The following FYN variants were observed in gnomAD, a reference collection of about 807,000 sequenced individuals.
FYN encodes FYN proto-oncogene, Src family tyrosine kinase, also known as tyrosine-protein kinase Fyn.
A neutral mutation model predicts 70.2 loss-of-function variants in FYN; 10 were observed. The observed-to-expected ratio is 0.14, with a 90% confidence interval of 0.09 to 0.24. The LOEUF (loss-of-function observed/expected upper bound fraction) is 0.24. Among genes scored for constraint, FYN ranks in the 10% least tolerant of loss-of-function variants. The probability of loss-of-function intolerance (pLI) is 1.00; values close to 1 mark genes in which losing one functional copy is unlikely to be tolerated. For synonymous variants in FYN, 236 were observed against 248.6 expected (o/e 0.95, Z 0.48); for missense variants, 319 against 673.1 (o/e 0.47, Z 5.82).
At chr6:111,852,555 T>G (rs569335373) in intron 1 of FYN, among the ~76,000 whole-genome samples, 22 of 152,238 alleles carry the variant, frequency 1.4e-4, no homozygotes, top group African/African-American at 5.1e-4. Flanking sequence ...AACTTACAAA[T>G]GTTTATATGT....
At chr6:111,787,650 A>G (rs1405497230) in intron 2 of FYN, among the ~76,000 whole-genome samples, 1 of 152,238 alleles carries the variant, frequency 6.6e-6, no homozygotes, top group Non-Finnish European at 1.5e-5. Flanking sequence ...TGAGTGACTG[A>G]CTGAATAAAT....
chr6:111,697,207 T>C (rs1225003366), intron 9 of FYN, among the ~76,000 whole-genome samples: 6 of 152,240 alleles, frequency 3.9e-5, no homozygotes, highest in Non-Finnish European at 8.8e-5. Context: ...AGGCAAGGCC[T>C]GGATTATGAT....
chr6:111,871,998 CAAG>C (rs1774287225), intron 1 of FYN, among the ~76,000 whole-genome samples: 1 of 152,194 alleles, frequency 6.6e-6, no homozygotes, highest in Non-Finnish European at 1.5e-5. Context: ...GGAAGAGAGA[CAAG>C]AAGCATCGTG....
intron 3 of FYN, among the ~76,000 whole-genome samples, chr6:111,765,244 G>A (rs1803184253): frequency 6.6e-6 from 1 of 152,126 alleles, no homozygotes; most frequent in African/African-American, 2.4e-5. Context: ...TGCATGTGTT[G>A]AAGCCCTAAC....
intron 13 of FYN, among the ~76,000 whole-genome samples, chr6:111,673,665 G>A (rs538654264): frequency 1.8e-5 from 2 of 113,002 alleles, no homozygotes; most frequent in Admixed American, 2.4e-4. Context: ...TCTTACGCAG[G>A]GAATGAGGGG....
chr6:111,772,577 T>C (rs751649741), intron 3 of FYN, among the ~76,000 whole-genome samples: 2 of 152,214 alleles, frequency 1.3e-5, no homozygotes, highest in Non-Finnish European at 2.9e-5. Context: ...TGATGTGATA[T>C]AATATCAGGT....
intron 4 of FYN, among the ~76,000 whole-genome samples, chr6:111,718,148 C>G (rs1186573560): frequency 6.6e-6 from 1 of 152,188 alleles, no homozygotes; most frequent in East Asian, 1.9e-4. Flanking sequence ...AGACCAGCAC[C>G]CCACTCTCTC....
At chr6:111,711,161 T>C (rs907869288) in intron 5 of FYN, among the ~76,000 whole-genome samples, 5 of 152,184 alleles carry the variant, frequency 3.3e-5, no homozygotes, top group African/African-American at 1.2e-4. Context: ...AGTAGTTATT[T>C]GCCAACAGAA....
intron 3 of FYN, among the ~76,000 whole-genome samples, chr6:111,741,709 T>C (rs949458448): frequency 6.6e-6 from 1 of 152,224 alleles, no homozygotes; most frequent in African/African-American, 2.4e-5. Context: ...TTCAGCAGAA[T>C]GTGCAAGAAA....
At chr6:111,794,157 C>A (rs1244686289) in intron 2 of FYN, among the ~76,000 whole-genome samples, 1 of 152,226 alleles carries the variant, frequency 6.6e-6, no homozygotes, top group African/African-American at 2.4e-5. Context: ...CACTCTGTTT[C>A]CCTGGATATT....
chr6:111,834,718 G>A (rs1773123820), intron 2 of FYN, among the ~76,000 whole-genome samples: 1 of 152,172 alleles, frequency 6.6e-6, no homozygotes, highest in African/African-American at 2.4e-5. Flanking sequence ...GCTGCAGGCG[G>A]CAGTGCTGGC....
chr6:111,815,712 C>CTTTTTTTTTTTTTTTTTTT (rs11320954), intron 2 of FYN, among the ~76,000 whole-genome samples: 1 of 140,486 alleles, frequency 7.1e-6, no homozygotes. Context: ...CTGAGTACTT[C>CTTTTTTTTTTTTTTTTTTT]TTTTTTTTTT....
chr6:111,772,988 AAAAG>A (rs1412776390), intron 3 of FYN, among the ~76,000 whole-genome samples: 3 of 151,750 alleles, frequency 2.0e-5, no homozygotes, highest in Non-Finnish European at 4.4e-5. Context: ...ATGGTTATAT[AAAAG>A]AATGTCCTTA....
intron 2 of FYN, among the ~76,000 whole-genome samples, chr6:111,783,350 G>T (rs1486386895): frequency 6.6e-6 from 1 of 151,858 alleles, no homozygotes; most frequent in Non-Finnish European, 1.5e-5. Flanking sequence ...CATGACTGAT[G>T]AGATTTCCAC....
chr6:111,753,525 T>C (rs1225804299), intron 3 of FYN, among the ~76,000 whole-genome samples: 2 of 152,076 alleles, frequency 1.3e-5, no homozygotes, highest in Non-Finnish European at 2.9e-5. Flanking sequence ...GAACAAACTT[T>C]TGAAGGGACA....
intron 2 of FYN, among the ~76,000 whole-genome samples, chr6:111,819,419 T>C (rs1239806261): frequency 1.3e-5 from 2 of 152,220 alleles, no homozygotes; most frequent in Non-Finnish European, 2.9e-5. Context: ...AACATTTAAA[T>C]CCTTCCATAA....
At chr6:111,851,281 C>A (rs73764309) in intron 1 of FYN, among the ~76,000 whole-genome samples, 6,413 of 152,194 alleles carry the variant, frequency 0.042, 234 homozygotes, top group East Asian at 0.14. Flanking sequence ...GTTTATCTTA[C>A]GTAAATATTT....
At chr6:111,867,176 C>T (rs1774131467) in intron 1 of FYN, among the ~76,000 whole-genome samples, 1 of 152,118 alleles carries the variant, frequency 6.6e-6, no homozygotes, top group African/African-American at 2.4e-5. Context: ...AATTTATATT[C>T]AAGACCTAGT....
rs111633666 is a variant in FYN at position 111,686,702 on chromosome 6, A to G, written c.1273+7673T>C. ...ATATTTGCTGTTCAGGTCACAGCAC[A>G]CTGTGCGGGAATGGCAATGCTGTTG... On this transcript the variant is annotated intron_variant, in intron 12 of 13. Transcript: ENST00000354650. Among the ~76,000 whole-genome samples, 523 of 152,128 alleles carry G rather than the reference A, an allele frequency of 3.4e-3. 3 individuals carry two copies. Among genetic ancestry groups the G allele is most frequent in the African/African-American group, 0.011 (473 of 41,480 alleles).
Sources: gnomAD v4.1 joint callset for allele counts (sites outside exome capture counted in the v4.1 genomes callset) on GRCh38, gnomAD v4.1.1 for gene constraint, MANE v1.5 for transcripts, NCBI Gene and HGNC (gene_info 2026-07-23, HGNC 2026-07-21) for gene names.